Variants in ECT2 observed in about 807,000 individuals in gnomAD.
ECT2 encodes protein ECT2.
ECT2 carries 61 observed loss-of-function variants against 116.9 expected under a neutral mutation model. The observed-to-expected ratio is 0.52, with a 90% CI of 0.42 to 0.65. ECT2 has a LOEUF of 0.65. ECT2 is among the 30% of genes least tolerant of loss of function. The pLI, the probability that ECT2 is intolerant of heterozygous loss-of-function variation, is 0.00. For synonymous variants in ECT2, 358 were observed against 346.4 expected (o/e 1.03, Z -0.37); for missense variants, 937 against 1,078.7 (o/e 0.87, Z 1.84).
chr3:172,776,113 C>T (rs1382126914), intron 14 of ECT2, among the ~76,000 whole-genome samples: 1 of 151,888 alleles, frequency 6.6e-6, no homozygotes, highest in Non-Finnish European at 1.5e-5. Flanking sequence ...AAATTTGTCA[C>T]CCTTTAGTTT....
intron 18 of ECT2, among the ~76,000 whole-genome samples, chr3:172,791,145 C>G (rs1471818083): frequency 6.6e-6 from 1 of 152,208 alleles, no homozygotes; most frequent in Non-Finnish European, 1.5e-5. Flanking sequence ...CAGAACAAGA[C>G]TCTTGTCTCA....
In ECT2 at chr3:172,757,146, ATTGTTC is replaced by A. The variant is rs1249401621; in HGVS notation, c.468_473del (p.Asn156_Ser158delinsLys). The A allele has an allele frequency of 2.0e-6, 3 of 1,508,528 alleles. No homozygotes were observed. The highest frequency in any genetic ancestry group is 2.5e-5 in the Admixed American group (1 of 40,764). 93.4% of individuals were successfully genotyped at this position (1,508,528 alleles called of 1,614,324 possible). A position where few individuals can be genotyped will look rare whatever the true frequency, so the allele number is the denominator to read the frequency against. ...GTTATTGGACCACCAGTTGTATTAA[ATTGTTC>A]ACAAAAAGGAGAGGTAAGCATATAC... On this transcript the variant is annotated inframe_deletion, in exon 5 of 25. Coordinates refer to ENST00000392692, the MANE Select transcript of ECT2 (RefSeq NM_001258315.2).
chr3:172,767,724 A>ATTTTTTTTTT (rs1202819421), intron 12 of ECT2, among the ~76,000 whole-genome samples: 27 of 148,450 alleles, frequency 1.8e-4, no homozygotes, highest in African/African-American at 5.6e-4. Flanking sequence ...ATGTGTATAG[A>ATTTTTTTTTT]TTTTTTTTTT....
At chr3:172,792,506 C>G (rs1472906673) in intron 18 of ECT2, among the ~76,000 whole-genome samples, 3 of 142,282 alleles carry the variant, frequency 2.1e-5, no homozygotes, top group Non-Finnish European at 1.5e-5. Flanking sequence ...CTTATTGTTG[C>G]TTATTTCAAT....
At chr3:172,807,506 T>G (rs550921151) in intron 21 of ECT2, among the ~76,000 whole-genome samples, 1 of 152,352 alleles carries the variant, frequency 6.6e-6, no homozygotes, top group Non-Finnish European at 1.5e-5. Context: ...ATAGAAAATA[T>G]TAAATGACAT....
chr3:172,809,830 G>T (rs1728446463), intron 22 of ECT2, among the ~76,000 whole-genome samples: 1 of 152,066 alleles, frequency 6.6e-6, no homozygotes, highest in Non-Finnish European at 1.5e-5. Flanking sequence ...AAATTATCAG[G>T]CTGAAAGAAA....
intron 7 of ECT2, among the ~76,000 whole-genome samples, chr3:172,761,287 T>G (rs1718239823): frequency 6.6e-6 from 1 of 152,170 alleles, no homozygotes; most frequent in Non-Finnish European, 1.5e-5. Flanking sequence ...GTCGGATGTC[T>G]TCTTCTGTAG....
chr3:172,761,489 T>G (rs1718285841), intron 7 of ECT2, 121 bp from the exon 8 acceptor site: 1 of 626,494 alleles, frequency 1.6e-6, no homozygotes, highest in African/African-American at 1.9e-5. Context: ...ATTTTTAAAT[T>G]ATTTTGTTAC....
chr3:172,828,507 G>A, the ECT2 span, among the ~76,000 whole-genome samples: 3 of 152,060 alleles, frequency 2.0e-5, no homozygotes, highest in Admixed American at 6.5e-5. Context: ...TCAAAACAGT[G>A]CAGTGCTGGA....
intron 11 of ECT2, among the ~76,000 whole-genome samples, chr3:172,763,320 G>A (rs969328536): frequency 1.3e-5 from 2 of 152,190 alleles, no homozygotes; most frequent in Non-Finnish European, 2.9e-5. Context: ...AGGTAGCCTC[G>A]CTCTGAGAGA....
intron 21 of ECT2, among the ~76,000 whole-genome samples, chr3:172,806,635 T>G (rs1727777068): frequency 6.9e-6 from 1 of 145,972 alleles, no homozygotes; most frequent in Non-Finnish European, 1.5e-5. Context: ...AATGATTCTT[T>G]CTTTGTTTTT....
chr3:172,775,133 G>A (rs754894093), intron 14 of ECT2, among the ~76,000 whole-genome samples: 6 of 150,888 alleles, frequency 4.0e-5, no homozygotes, highest in Non-Finnish European at 7.4e-5. Flanking sequence ...AGATTTAGCT[G>A]AACTCTTAAA....
chr3:172,812,800 G>A (rs922175131), intron 22 of ECT2, among the ~76,000 whole-genome samples: 18 of 152,082 alleles, frequency 1.2e-4, no homozygotes, highest in African/African-American at 4.3e-4. Context: ...TCAAATAGTA[G>A]GTTTTTAGTA....
intron 12 of ECT2, among the ~76,000 whole-genome samples, chr3:172,766,163 G>T (rs1392013387): frequency 6.6e-6 from 1 of 152,170 alleles, no homozygotes; most frequent in Non-Finnish European, 1.5e-5. Flanking sequence ...AACTGAAAGT[G>T]AATTCAAGGT....
intron 14 of ECT2, among the ~76,000 whole-genome samples, chr3:172,778,148 G>A (rs762516310): frequency 3.3e-5 from 5 of 152,112 alleles, no homozygotes; most frequent in Non-Finnish European, 2.9e-5. Context: ...GAAGTAAGTA[G>A]CTTAGCTTTC....
intron 21 of ECT2, among the ~76,000 whole-genome samples, chr3:172,806,593 T>A (rs1727750462): frequency 6.7e-6 from 1 of 148,638 alleles, no homozygotes; most frequent in Admixed American, 6.7e-5. Flanking sequence ...TGTGAGAAAT[T>A]ATTCTTTTTT....
intron 18 of ECT2, among the ~76,000 whole-genome samples, chr3:172,800,125 G>A (rs968767160): frequency 1.4e-4 from 21 of 152,186 alleles, no homozygotes; most frequent in Non-Finnish European, 2.8e-4. Context: ...CTTGATCAAA[G>A]GGGGGAAATG....
At chr3:172,779,371 T>A (rs1405629203) in intron 14 of ECT2, among the ~76,000 whole-genome samples, 1 of 152,214 alleles carries the variant, frequency 6.6e-6, no homozygotes, top group Non-Finnish European at 1.5e-5. Flanking sequence ...ATTCTTGCTT[T>A]GAGTTTACTT....
the ECT2 span, among the ~76,000 whole-genome samples, chr3:172,827,791 A>AT: frequency 6.6e-6 from 1 of 152,204 alleles, no homozygotes; most frequent in Non-Finnish European, 1.5e-5. Context: ...TGAATAAACT[A>AT]TTTTGGCTTA....
Sources: gnomAD v4.1 joint callset for allele counts (sites outside exome capture counted in the v4.1 genomes callset) on GRCh38, gnomAD v4.1.1 for gene constraint, MANE v1.5 for transcripts, NCBI Gene and HGNC (gene_info 2026-07-23, HGNC 2026-07-21) for gene names.